Variants in RIC3 observed in about 807,000 individuals in gnomAD.
The protein encoded by RIC3 is RIC3 acetylcholine receptor chaperone, also known as protein RIC-3.
A neutral mutation model predicts 27.3 loss-of-function variants in RIC3; 28 were observed. The ratio of observed to expected loss-of-function variants is 1.02; its 90% confidence interval spans 0.76 to 1.41. The LOEUF is 1.41. RIC3 is among the 40% of genes most tolerant of loss of function. RIC3 has a pLI of 0.00. For synonymous variants in RIC3, 184 were observed against 160.4 expected (o/e 1.15, Z -1.11); for missense variants, 501 against 444.7 (o/e 1.13, Z -1.14).
chr11:8,108,079 C>T lies in RIC3; in HGVS notation c.*2619G>A, dbSNP rs1012427790. 1.3e-5 allele frequency: 2 copies of T among 152,162 alleles called. No individual in the cohort carries two copies. The highest frequency in any genetic ancestry group is 2.9e-5 in the Non-Finnish European group (2 of 68,022). 9.4% of individuals were successfully genotyped at this position (152,162 alleles called of 1,614,324 possible). On this transcript the variant is annotated 3_prime_UTR_variant, in exon 6 of 6. Coordinates refer to ENST00000309737, the MANE Select transcript of RIC3 (RefSeq NM_001206671.4). ...CATCCAAATGTCTGATATATAAATA[C>T]ACAAATATATTCCTTATATATAAAC...
intron 1 of RIC3, among the ~76,000 whole-genome samples, chr11:8,159,616 G>A (rs969815147): frequency 6.6e-6 from 1 of 152,142 alleles, no homozygotes; most frequent in Admixed American, 6.5e-5. Context: ...TAAACAAAAC[G>A]TTTCCATGAA....
rs760089469 is a variant in RIC3, at chr11:8,110,703, C to G, written c.1105G>C (p.Glu369Gln). The G allele has an allele frequency of 6.2e-7, 1 of 1,614,102 alleles. No individual in the cohort carries two copies. The highest frequency in any genetic ancestry group is 8.5e-7 in the Non-Finnish European group (1 of 1,179,974). ...ATACTTCAGACTGGCTGTTTTCACT[C>G]TAAACCCTGGGGGTTACGCTTCCTC... ...MLRKRNPQGL[E>Q] is the part of the protein sequence containing the mutation. Residue 369 changes from glutamate to glutamine, a missense_variant, in exon 6 of 6, where the codon GAG becomes CAG. Transcript: ENST00000309737.
downstream of RIC3, chr11:8,103,259 G>A (rs1944383961): frequency 2.0e-5 from 3 of 152,216 alleles, no homozygotes; most frequent in Non-Finnish European, 4.4e-5. Context: ...GGAACTGTAA[G>A]CTCAAGCTTT....
intron 1 of RIC3, among the ~76,000 whole-genome samples, chr11:8,151,817 G>A (rs1950261674): frequency 6.6e-6 from 1 of 151,196 alleles, no homozygotes; most frequent in Non-Finnish European, 1.5e-5. Flanking sequence ...TTGGGAGGCT[G>A]AGGCAGGAGA....
intron 1 of RIC3, among the ~76,000 whole-genome samples, chr11:8,161,566 G>A (rs1020494087): frequency 1.3e-5 from 2 of 152,200 alleles, no homozygotes; most frequent in Non-Finnish European, 2.9e-5. Context: ...CAACTCCAGA[G>A]TGGATTCATC....
intron 5 of RIC3, among the ~76,000 whole-genome samples, chr11:8,114,616 A>AG (rs929294053): frequency 1.2e-4 from 18 of 151,472 alleles, no homozygotes; most frequent in East Asian, 1.9e-4. Flanking sequence ...CAAAAAAAAA[A>AG]AAAGAAAGAA....
chr11:8,163,567 T>C (rs1468726487), intron 1 of RIC3, among the ~76,000 whole-genome samples: 3 of 151,970 alleles, frequency 2.0e-5, no homozygotes, highest in African/African-American at 7.2e-5. Flanking sequence ...AAACTAATTG[T>C]CTATACACTA....
intron 1 of RIC3, 25 bp downstream of exon 1, chr11:8,168,841 T>A: frequency 6.2e-7 from 1 of 1,603,290 alleles, no homozygotes; most frequent in Non-Finnish European, 8.5e-7. Context: ...GCCGGGAAGC[T>A]CAGAGGGAGC....
chr11:8,101,641 G>T (rs776962622), downstream of RIC3: 4 of 1,613,450 alleles, frequency 2.5e-6, no homozygotes, highest in Non-Finnish European at 3.4e-6. Flanking sequence ...TGCCCTTTGG[G>T]GTTGCCCAGC....
intron 1 of RIC3, among the ~76,000 whole-genome samples, chr11:8,157,331 T>C (rs1320189778): frequency 1.3e-5 from 2 of 152,242 alleles, no homozygotes; most frequent in East Asian, 3.8e-4. Context: ...ATACCAGTCC[T>C]AGAATTTGCC....
At chr11:8,135,305 T>C (rs546215094) in intron 4 of RIC3, among the ~76,000 whole-genome samples, 1 of 152,362 alleles carries the variant, frequency 6.6e-6, no homozygotes, top group East Asian at 1.9e-4. Flanking sequence ...ATGTGTGATA[T>C]TACTTCTGAG....
In RIC3 at chr11:8,167,343, A is replaced by G. The variant is rs1951786227; in HGVS notation, c.124+1523T>C. Among the ~76,000 whole-genome samples the G allele has an allele frequency of 1.3e-5, 2 of 152,224 alleles. 1 individual carries two copies. The highest frequency in any genetic ancestry group is 4.1e-4 in the South Asian group (2 of 4,834). ...ATAAAACATGATAAAATAGAGAATG[A>G]TGGGAGAAAAGAGTTATTTTAGTTA... On this transcript the variant is annotated intron_variant, in intron 1 of 5. Coordinates refer to ENST00000309737, the MANE Select transcript of RIC3 (RefSeq NM_001206671.4).
At chr11:8,097,221 C>T in the RIC3 span, 1 of 1,613,716 alleles carries the variant, frequency 6.2e-7, no homozygotes, top group South Asian at 1.1e-5. Flanking sequence ...ATTCTGCATC[C>T]CCATAGGAGG....
intron 5 of RIC3, among the ~76,000 whole-genome samples, chr11:8,115,998 A>T (rs1370291709): frequency 6.6e-6 from 1 of 152,244 alleles, no homozygotes. Flanking sequence ...TCCCAAATCT[A>T]CTACAAAGCT....
chr11:8,134,997 T>TTA (rs1327109886), intron 4 of RIC3, among the ~76,000 whole-genome samples: 2 of 152,236 alleles, frequency 1.3e-5, no homozygotes, highest in Non-Finnish European at 2.9e-5. Flanking sequence ...TTTAGTTTAA[T>TTA]TAGATCCCAT....
chr11:8,126,931 G>C (rs753887067), intron 4 of RIC3, 124 bp from the exon 5 acceptor site: 2 of 1,111,316 alleles, frequency 1.8e-6, no homozygotes, highest in Admixed American at 3.8e-5. Context: ...AATTATTCTA[G>C]GAATTGATCC....
At chr11:8,096,554 T>A in the RIC3 span, 1 of 714,290 alleles carries the variant, frequency 1.4e-6, no homozygotes, top group Non-Finnish European at 2.6e-6. Context: ...TAGATATGGC[T>A]AAGAGTGTGT....
intron 4 of RIC3, among the ~76,000 whole-genome samples, chr11:8,136,894 C>G (rs1041626621): frequency 5.9e-5 from 9 of 151,884 alleles, no homozygotes; most frequent in Non-Finnish European, 2.9e-5. Context: ...GGTTGCTTGA[C>G]AGTATGTGAA....
intron 3 of RIC3, among the ~76,000 whole-genome samples, 190 bp downstream of exon 3, chr11:8,138,081 GT>G: frequency 1.3e-5 from 2 of 152,300 alleles, no homozygotes; most frequent in South Asian, 4.1e-4. Flanking sequence ...TGAACTGGTG[GT>G]TTTGTACTTT....
Sources: allele counts gnomAD v4.1 joint callset (sites outside exome capture counted in the v4.1 genomes callset), GRCh38; gene constraint gnomAD v4.1.1; transcripts MANE v1.5; gene names NCBI Gene and HGNC (gene_info 2026-07-23, HGNC 2026-07-21).